The following DSC1 variants were observed in gnomAD, a reference collection of about 807,000 sequenced individuals.
DSC1 encodes the protein desmocollin 1.
DSC1 carries 79 observed loss-of-function variants against 98.8 expected under a neutral mutation model. That is an observed-to-expected ratio of 0.80 (90% CI 0.67 to 0.96). The LOEUF (loss-of-function observed/expected upper bound fraction) is 0.96, where lower values mean the gene tolerates loss of function less well. Among genes scored for constraint, DSC1 ranks in the 50% least tolerant of loss-of-function variants. The probability of loss-of-function intolerance (pLI) is 0.00; values close to 1 mark genes in which losing one functional copy is unlikely to be tolerated. For synonymous variants in DSC1, 405 were observed against 372.1 expected (o/e 1.09, Z -1.02); for missense variants, 1,115 against 1,075.9 (o/e 1.04, Z -0.51).
At chr18:31,153,780 A>G (rs993762550) in intron 5 of DSC1, among the ~76,000 whole-genome samples, 1 of 152,122 alleles carries the variant, frequency 6.6e-6, no homozygotes, top group Non-Finnish European at 1.5e-5. Flanking sequence ...CTTTTTAACA[A>G]GTAAATATTT....
chr18:31,142,238 T>C (rs1988753848), intron 8 of DSC1, 54 bp from the exon 9 acceptor site: 1 of 1,550,696 alleles, frequency 6.4e-7, no homozygotes, highest in Non-Finnish European at 8.7e-7. Context: ...AATGTAGCTT[T>C]ATATTCTAAA....
At chr18:31,140,385 T>A in intron 9 of DSC1, 84 bp from the exon 10 acceptor site, 2 of 1,368,852 alleles carry the variant, frequency 1.5e-6, no homozygotes, top group Non-Finnish European at 2.0e-6. Context: ...CAAAGGAATA[T>A]CATTTTTACA....
chr18:31,140,573 A>G (rs763699284), intron 9 of DSC1, among the ~76,000 whole-genome samples: 3 of 152,202 alleles, frequency 2.0e-5, no homozygotes, highest in Non-Finnish European at 4.4e-5. Flanking sequence ...TTAAATATTA[A>G]TAGAAATGCA....
intron 5 of DSC1, among the ~76,000 whole-genome samples, chr18:31,153,622 T>G (rs1989041204): frequency 6.6e-6 from 1 of 152,160 alleles, no homozygotes; most frequent in Non-Finnish European, 1.5e-5. Flanking sequence ...ATAGACTGCT[T>G]TGGAGGATAT....
intron 9 of DSC1, among the ~76,000 whole-genome samples, chr18:31,141,634 A>G (rs575921414): frequency 4.6e-4 from 70 of 152,170 alleles, no homozygotes; most frequent in Admixed American, 9.8e-4. Context: ...GGAGTTGAAA[A>G]GTTGAGGCTT....
At chr18:31,147,386 A>G (rs1988868513) in intron 6 of DSC1, among the ~76,000 whole-genome samples, 1 of 152,178 alleles carries the variant, frequency 6.6e-6, no homozygotes, top group Admixed American at 6.5e-5. Context: ...TCTGTTGCAC[A>G]TTCAGATCTG....
At chr18:31,144,934 T>TTC (rs1484379805) in intron 7 of DSC1, among the ~76,000 whole-genome samples, 2 of 102,426 alleles carry the variant, frequency 2.0e-5, no homozygotes, top group African/African-American at 9.5e-5. Flanking sequence ...TATTTTCTTT[T>TTC]TCTTTCTTTT....
At chr18:31,134,158 T>C (rs2144915999) in intron 12 of DSC1, 28 bp from the exon 13 acceptor site, 1 of 1,593,876 alleles carries the variant, frequency 6.3e-7, no homozygotes, top group South Asian at 1.1e-5. Flanking sequence ...AGAATATATA[T>C]GGATTGGCTG....
At chr18:31,159,353 T>A in intron 2 of DSC1, 92 bp downstream of exon 2, 1 of 1,330,746 alleles carries the variant, frequency 7.5e-7, no homozygotes, top group Non-Finnish European at 1.1e-6. Context: ...GCGCCCGGCC[T>A]ACTATGTGGT....
rs140443871 is a variant in DSC1 at position 31,162,535 on chromosome 18, G to A, written c.60C>T (p.Leu20=). The change falls in exon 1 of 16, where the codon CTC becomes CTT. Residue 20 remains leucine (L), a synonymous_variant. Transcript: ENST00000257198. The stretch of plus-strand genomic sequence containing the variant: ...TAATCCTTTGGTTGTTACTCACCAG[G>A]AGAGAGAAAAGGAGCTGCTTACAGA... ...SIFCKQLLFS[L]LVLTLLCDAC... 1.9e-6 allele frequency: 3 copies of A among 1,614,092 alleles called. No individual in the cohort carries two copies. The East Asian group carries it at 6.7e-5, about 36-fold the overall frequency.
rs767667435 is a variant in DSC1, at chr18:31,153,277, A to G, written c.627+1497T>C. On this transcript the variant is annotated intron_variant, in intron 5 of 15. Coordinates refer to ENST00000257198, the MANE Select transcript of DSC1 (RefSeq NM_024421.2). The stretch of plus-strand genomic sequence containing the variant: ...AGTATGAGCTTTTTATATCTCCTCA[A>G]GAGTGACTTCTAGTGTTAGATCTTT... Among the ~76,000 whole-genome samples the G allele has an allele frequency of 1.9e-4, 29 of 152,142 alleles. 1 individual carries two copies. Among genetic ancestry groups the G allele is most frequent in the Non-Finnish European group, 4.1e-4 (28 of 68,008 alleles).
intron 5 of DSC1, among the ~76,000 whole-genome samples, chr18:31,149,108 T>A (rs533193201): frequency 2.0e-5 from 3 of 152,208 alleles, no homozygotes; most frequent in Non-Finnish European, 4.4e-5. Context: ...TGTATTTCTT[T>A]GCAATAAAAA....
intron 12 of DSC1, 111 bp downstream of exon 12, chr18:31,134,461 A>G (rs1284142718): frequency 2.0e-6 from 2 of 1,005,900 alleles, no homozygotes; most frequent in Non-Finnish European, 2.8e-6. Context: ...TTTTAGGGTT[A>G]ATAAAATAAT....
Position 31,140,123 on chromosome 18 carries a change from C to T in DSC1, c.1439G>A (p.Ser480Asn), listed in dbSNP as rs1265163611. The T allele has an allele frequency of 6.2e-7, 1 of 1,614,006 alleles. No homozygotes were observed. The highest frequency in any genetic ancestry group is 1.7e-5 in the Admixed American group (1 of 59,992). ...TTGGCCAGCTGGGAAGCCATCTTGACTCTGAATAACTTTCACTGGAGGGTG... is the reference window on the plus strand; with the variant it reads ...TTGGCCAGCTGGGAAGCCATCTTGATTCTGAATAACTTTCACTGGAGGGTG... ...ECHPPVKVIQSQDGFPAGQEL... is the reference protein window; with the variant it reads ...ECHPPVKVIQNQDGFPAGQEL... The change falls in exon 10 of 16, where the codon AGT becomes AAT. Residue 480 changes from serine to asparagine, a missense_variant. Transcript: ENST00000257198.
rs1251464892 is a variant in DSC1 at position 31,139,903 on chromosome 18, A to C, written c.1521-13T>G. 1.3e-6 allele frequency: 2 copies of C among 1,591,190 alleles called. No homozygotes were observed. Among genetic ancestry groups the C allele is most frequent in the Admixed American group, 3.8e-5 (2 of 52,904 alleles). On this transcript the variant is annotated splice_polypyrimidine_tract_variant and intron_variant, in intron 10 of 15. Coordinates refer to ENST00000257198, the MANE Select transcript of DSC1 (RefSeq NM_024421.2). ...TAACTTCTGATACCTAATTTTTAGA[A>C]ATCAAATATGAACGGTCAAATCAAA...
At chr18:31,134,861 G>T in intron 11 of DSC1, 77 bp from the exon 12 acceptor site, 2 of 1,354,744 alleles carry the variant, frequency 1.5e-6, no homozygotes, top group South Asian at 2.7e-5. Flanking sequence ...ATACACAGTT[G>T]ACATCTGCTT....
At position 31,130,446 on chromosome 18, in the gene DSC1, G is replaced by A; in HGVS notation, c.*68C>T. The A allele has an allele frequency of 6.4e-7, 1 of 1,561,148 alleles. No homozygotes were observed. Among genetic ancestry groups the A allele is most frequent in the Non-Finnish European group, 8.8e-7 (1 of 1,138,004 alleles). On this transcript the variant is annotated 3_prime_UTR_variant, in exon 16 of 16. Transcript: ENST00000257198. Reference sequence around the variant, plus strand: ...ATAAACAAAAACATTAGCAGATGCTGCTAACATTCTGCAAGTAATAAATTC... The same window carrying A: ...ATAAACAAAAACATTAGCAGATGCTACTAACATTCTGCAAGTAATAAATTC...
At chr18:31,157,726 G>T (rs769870412) in intron 2 of DSC1, among the ~76,000 whole-genome samples, 153 bp from the exon 3 acceptor site, 4 of 152,134 alleles carry the variant, frequency 2.6e-5, no homozygotes, top group Non-Finnish European at 4.4e-5. Context: ...AAACGTGGGG[G>T]CCATGAAAAT....
At chr18:31,151,176 T>C (rs1988994429) in intron 5 of DSC1, among the ~76,000 whole-genome samples, 1 of 152,252 alleles carries the variant, frequency 6.6e-6, no homozygotes, top group South Asian at 2.1e-4. Context: ...TGAAATAATA[T>C]TTTTGTTATT....
Sources: allele counts gnomAD v4.1 joint callset (sites outside exome capture counted in the v4.1 genomes callset), GRCh38; gene constraint gnomAD v4.1.1; transcripts MANE v1.5; gene names NCBI Gene and HGNC (gene_info 2026-07-23, HGNC 2026-07-21).